Variants in COL24A1 observed in about 807,000 individuals in gnomAD.
COL24A1 encodes collagen alpha-1(XXIV) chain.
A neutral mutation model predicts 253.9 loss-of-function variants in COL24A1; 224 were observed. The observed-to-expected ratio is 0.88, with a 90% CI of 0.79 to 0.99. The LOEUF (loss-of-function observed/expected upper bound fraction) is 0.99, where lower values mean the gene tolerates loss of function less well. Ranked by LOEUF, COL24A1 falls within the 50% of genes least tolerant of loss-of-function variation. The probability of loss-of-function intolerance (pLI) is 0.00; values close to 1 mark genes in which losing one functional copy is unlikely to be tolerated. For missense variants in COL24A1, 2,131 were observed against 2,068.5 expected, an observed-to-expected ratio of 1.03 and a Z score of -0.59; for synonymous variants, 685 against 673.7, an observed-to-expected ratio of 1.02 and a Z score of -0.26.
At chr1:85,880,213 T>G (rs1405465470) in intron 32 of COL24A1, among the ~76,000 whole-genome samples, 3 of 152,224 alleles carry the variant, frequency 2.0e-5, no homozygotes, top group Admixed American at 6.5e-5. Context: ...TTACCTCATA[T>G]AGATCTTGTA....
chr1:85,915,475 C>T (rs1685806559), intron 24 of COL24A1, among the ~76,000 whole-genome samples: 1 of 152,048 alleles, frequency 6.6e-6, no homozygotes, highest in Non-Finnish European at 1.5e-5. Context: ...TGAGCCAATT[C>T]TTTATAATAA....
At chr1:85,810,573 A>T (rs1052333219) in intron 47 of COL24A1, among the ~76,000 whole-genome samples, 1 of 152,152 alleles carries the variant, frequency 6.6e-6, no homozygotes, top group Middle Eastern at 3.4e-3. Context: ...TCCCCAGTGC[A>T]GGAGGTGGGG....
chr1:85,767,285 C>T (rs918222159), intron 53 of COL24A1, among the ~76,000 whole-genome samples: 13 of 152,020 alleles, frequency 8.6e-5, no homozygotes, highest in South Asian at 2.1e-4. Context: ...ATGACCTCCG[C>T]GAATGTATTA....
At chr1:85,994,407 T>C (rs1694570926) in intron 19 of COL24A1, among the ~76,000 whole-genome samples, 1 of 99,940 alleles carries the variant, frequency 1.0e-5, no homozygotes, top group African/African-American at 3.5e-5. Context: ...TTCAAAGTTA[T>C]CCTGAAAAAA....
chr1:86,029,261 G>A (rs974298386), intron 14 of COL24A1, among the ~76,000 whole-genome samples: 6 of 152,100 alleles, frequency 3.9e-5, no homozygotes, highest in South Asian at 2.1e-4. Context: ...ACAGACCAAC[G>A]AAATTCTGGA....
chr1:86,137,882 C>T (rs146414337), intron 2 of COL24A1, among the ~76,000 whole-genome samples: 1 of 152,262 alleles, frequency 6.6e-6, no homozygotes, highest in East Asian at 1.9e-4. Flanking sequence ...CACAAGCAGG[C>T]AGAACAATCT....
intron 7 of COL24A1, among the ~76,000 whole-genome samples, chr1:86,073,961 A>T (rs758808777): frequency 9.2e-5 from 14 of 151,740 alleles, no homozygotes; most frequent in African/African-American, 1.7e-4. Flanking sequence ...ACAAGGAGGG[A>T]GCATTAAATA....
intron 10 of COL24A1, among the ~76,000 whole-genome samples, chr1:86,057,481 T>G (rs1053957956): frequency 6.6e-6 from 1 of 152,230 alleles, no homozygotes; most frequent in African/African-American, 2.4e-5. Context: ...TTTAATGGTT[T>G]GGGAGTGAAA....
chr1:86,041,444 C>T (rs1699474772), intron 12 of COL24A1, among the ~76,000 whole-genome samples: 1 of 152,040 alleles, frequency 6.6e-6, no homozygotes, highest in South Asian at 2.1e-4. Flanking sequence ...TATAAATTTG[C>T]ATGGCTAACT....
At position 85,915,089 on chromosome 1, in the gene COL24A1, G is replaced by T. The variant is rs1213504837; in HGVS notation, c.2563-3656C>A. ...TCTAGGTGAGATTAACATTTAAATA[G>T]GTAAACTGACTAAAGCAGATTGCCT... On this transcript the variant is annotated intron_variant, in intron 24 of 59. Transcript: ENST00000370571. Among the ~76,000 whole-genome samples the T allele has an allele frequency of 3.3e-5, 5 of 152,164 alleles. No individual in the cohort carries two copies. The East Asian group carries it at 9.6e-4, about 29-fold the overall frequency.
chr1:86,014,971 A>G (rs1183864041), intron 19 of COL24A1, among the ~76,000 whole-genome samples: 1 of 152,164 alleles, frequency 6.6e-6, no homozygotes, highest in African/African-American at 2.4e-5. Context: ...CGCATACAGG[A>G]TAAAGTCTGA....
At position 86,105,519 on chromosome 1, in the gene COL24A1, A is replaced by T. The variant is rs1009986403; in HGVS notation, c.1599+7048T>A. On this transcript the variant is annotated intron_variant, in intron 5 of 59. Coordinates refer to ENST00000370571, the MANE Select transcript of COL24A1 (RefSeq NM_152890.7). ...TGCCCTGGGAAAGGCCAGCAGATCAAGGAAAGCTCAGATCAGACCAGCCCC... is the reference window on the plus strand; with the variant it reads ...TGCCCTGGGAAAGGCCAGCAGATCATGGAAAGCTCAGATCAGACCAGCCCC... Among the ~76,000 whole-genome samples, 5 of 152,184 alleles carry T rather than the reference A, an allele frequency of 3.3e-5. No homozygotes were observed. The South Asian group carries it at 6.2e-4, about 19-fold the overall frequency.
At chr1:85,777,492 T>C (rs1668670930) in intron 52 of COL24A1, among the ~76,000 whole-genome samples, 2 of 152,158 alleles carry the variant, frequency 1.3e-5, no homozygotes, top group South Asian at 4.1e-4. Flanking sequence ...AAACTAGATA[T>C]AATAAATTCT....
At chr1:85,765,155 G>T (rs920887969) in intron 53 of COL24A1, among the ~76,000 whole-genome samples, 1 of 152,032 alleles carries the variant, frequency 6.6e-6, no homozygotes, top group Non-Finnish European at 1.5e-5. Flanking sequence ...TCCTTCTAAT[G>T]CAGAAACCAT....
chr1:85,915,793 C>T (rs911068683), intron 24 of COL24A1, among the ~76,000 whole-genome samples: 3 of 152,154 alleles, frequency 2.0e-5, no homozygotes, highest in African/African-American at 7.2e-5. Flanking sequence ...GGACTACAGG[C>T]ACAGAGCACC....
intron 24 of COL24A1, among the ~76,000 whole-genome samples, chr1:85,927,905 G>A (rs1378841070): frequency 7.3e-6 from 1 of 137,472 alleles, no homozygotes; most frequent in African/African-American, 2.7e-5. Context: ...AAACCAGAAA[G>A]GACATCTACA....
At chr1:85,976,876 G>A (rs1241285776) in intron 20 of COL24A1, among the ~76,000 whole-genome samples, 2 of 152,214 alleles carry the variant, frequency 1.3e-5, no homozygotes, top group Non-Finnish European at 2.9e-5. Context: ...TGGCTAACCA[G>A]AGGTCCTGAG....
chr1:85,902,352 A>C (rs1393431392), intron 28 of COL24A1, among the ~76,000 whole-genome samples: 1 of 152,208 alleles, frequency 6.6e-6, no homozygotes, highest in East Asian at 1.9e-4. Flanking sequence ...TTAATGAAGT[A>C]ACTCATATCT....
chr1:86,078,454 G>C (rs1702409740), intron 7 of COL24A1, among the ~76,000 whole-genome samples: 1 of 151,916 alleles, frequency 6.6e-6, no homozygotes, highest in Non-Finnish European at 1.5e-5. Context: ...ATCTTAACTA[G>C]AGCAATCAGA....
Sources: allele counts gnomAD v4.1 joint callset (sites outside exome capture counted in the v4.1 genomes callset), GRCh38; gene constraint gnomAD v4.1.1; transcripts MANE v1.5; gene names NCBI Gene and HGNC (gene_info 2026-07-23, HGNC 2026-07-21).